Variants in ZNF618 observed in about 807,000 individuals in gnomAD.
ZNF618 encodes neural precursor cell expressed, developmentally down-regulated 10.
In ZNF618, 34 loss-of-function variants were observed where a neutral mutation model predicts 103.0. The ratio of observed to expected loss-of-function variants is 0.33; its 90% confidence interval spans 0.25 to 0.44. The LOEUF is 0.44. Among genes scored for constraint, ZNF618 ranks in the 20% least tolerant of loss-of-function variants. ZNF618 has a pLI of 1.00. For missense variants in ZNF618, 1,059 were observed against 1,295.4 expected (o/e 0.82, Z 2.80); for synonymous variants, 551 against 542.2 (o/e 1.02, Z -0.23).
At chr9:113,990,274 G>C (rs1442538320) in intron 3 of ZNF618, among the ~76,000 whole-genome samples, 3 of 152,158 alleles carry the variant, frequency 2.0e-5, no homozygotes, top group Non-Finnish European at 2.9e-5. Context: ...TTAGATTAGA[G>C]GGGCCCTGTC....
chr9:114,035,854 G>T (rs1223813513), intron 12 of ZNF618, among the ~76,000 whole-genome samples: 1 of 152,000 alleles, frequency 6.6e-6, no homozygotes, highest in African/African-American at 2.4e-5. Context: ...CTGTTACCTT[G>T]GTTTTTATTC....
At chr9:113,925,343 T>G (rs768082986) in intron 1 of ZNF618, among the ~76,000 whole-genome samples, 2 of 152,022 alleles carry the variant, frequency 1.3e-5, no homozygotes, top group Non-Finnish European at 2.9e-5. Context: ...TTAGTCTTAG[T>G]ATGGTATATC....
At chr9:114,003,370 G>A (rs1300863764) in intron 6 of ZNF618, among the ~76,000 whole-genome samples, 1 of 152,224 alleles carries the variant, frequency 6.6e-6, no homozygotes, top group African/African-American at 2.4e-5. Flanking sequence ...CCACGTGTAG[G>A]TATGTCGCCA....
chr9:113,999,104 C>T (rs1237726762), intron 4 of ZNF618, among the ~76,000 whole-genome samples: 4 of 152,208 alleles, frequency 2.6e-5, no homozygotes, highest in African/African-American at 9.6e-5. Context: ...TGAGGGCTGC[C>T]CCTCTAGTGA....
intron 1 of ZNF618, among the ~76,000 whole-genome samples, chr9:113,912,570 A>G (rs1381031644): frequency 6.6e-6 from 1 of 152,206 alleles, no homozygotes; most frequent in Non-Finnish European, 1.5e-5. Context: ...GGGACTGCCT[A>G]ATTAATTCAA....
intron 1 of ZNF618, among the ~76,000 whole-genome samples, chr9:113,881,304 G>C (rs1828492184): frequency 6.6e-6 from 1 of 152,082 alleles, no homozygotes; most frequent in Non-Finnish European, 1.5e-5. Flanking sequence ...TTCTGTCTTA[G>C]TCTCCTCATC....
intron 1 of ZNF618, among the ~76,000 whole-genome samples, chr9:113,936,528 C>G (rs1834041164): frequency 6.6e-6 from 1 of 152,210 alleles, no homozygotes; most frequent in Non-Finnish European, 1.5e-5. Flanking sequence ...CTGCCATGAG[C>G]AGCATAGGCT....
At chr9:114,012,338 T>C (rs956232139) in intron 9 of ZNF618, among the ~76,000 whole-genome samples, 1 of 149,040 alleles carries the variant, frequency 6.7e-6, no homozygotes, top group African/African-American at 2.4e-5. Flanking sequence ...GGTCACCATA[T>C]GTCTGGACAT....
At position 113,988,668 on chromosome 9, in the gene ZNF618, C is replaced by T. The variant is rs1416793986; in HGVS notation, c.337+88C>T. The T allele has an allele frequency of 9.5e-6, 14 of 1,469,220 alleles. No homozygotes were observed. In the East Asian group the frequency reaches 2.2e-4, roughly 23 times the overall value. The allele number at this position is 1,469,220 out of a possible 1,614,324, so 91.0% of individuals were successfully genotyped here. ...GGGGAAAAGCGGCCTGGCGCCTCTG[C>T]CCCCTTCCTGGCTGAGAGAACCTTT... On this transcript the variant is annotated intron_variant, in intron 3 of 14. Transcript: ENST00000374126.
chr9:113,937,516 G>A (rs946046741), intron 1 of ZNF618, among the ~76,000 whole-genome samples: 1 of 152,106 alleles, frequency 6.6e-6, no homozygotes, highest in Non-Finnish European at 1.5e-5. Context: ...GAGTGAAATT[G>A]TTTTCCTGTC....
At chr9:113,916,445 C>T (rs1832086883) in intron 1 of ZNF618, among the ~76,000 whole-genome samples, 1 of 152,166 alleles carries the variant, frequency 6.6e-6, no homozygotes, top group Admixed American at 6.5e-5. Context: ...AGTTTGACCC[C>T]TCATAAGCTT....
intron 12 of ZNF618, chr9:114,035,084 C>A: frequency 1.2e-6 from 1 of 803,240 alleles, no homozygotes; most frequent in Non-Finnish European, 1.5e-6. Context: ...GCTCCCCACT[C>A]CTCTGAAAGC....
chr9:113,915,542 G>A (rs1489286015), intron 1 of ZNF618, among the ~76,000 whole-genome samples: 16 of 152,168 alleles, frequency 1.1e-4, no homozygotes, highest in Non-Finnish European at 4.4e-5. Context: ...AAAGCCATCC[G>A]AGACTCTAAG....
At chr9:114,041,874 C>T (rs145217692) in intron 13 of ZNF618, among the ~76,000 whole-genome samples, 2,945 of 152,222 alleles carry the variant, frequency 0.019, 98 homozygotes, top group African/African-American at 0.066. Flanking sequence ...AGAAAGTCAT[C>T]GGTAGCTTGA....
chr9:113,971,576 C>T (rs1270519039), intron 2 of ZNF618, among the ~76,000 whole-genome samples: 2 of 152,204 alleles, frequency 1.3e-5, no homozygotes, highest in African/African-American at 2.4e-5. Context: ...AGACAAAGCA[C>T]CACCCACCCC....
intron 9 of ZNF618, among the ~76,000 whole-genome samples, chr9:114,014,852 G>A (rs1384452907): frequency 6.6e-6 from 1 of 152,082 alleles, no homozygotes; most frequent in African/African-American, 2.4e-5. Flanking sequence ...TGCTGGTCCA[G>A]GGACCGCACT....
At chr9:113,976,683 C>T (rs1838501070) in intron 2 of ZNF618, among the ~76,000 whole-genome samples, 1 of 152,126 alleles carries the variant, frequency 6.6e-6, no homozygotes, top group Non-Finnish European at 1.5e-5. Flanking sequence ...GTGACCTTGT[C>T]CCCCACTCCT....
chr9:113,877,950 G>A (rs562447800), intron 1 of ZNF618, among the ~76,000 whole-genome samples: 27 of 152,206 alleles, frequency 1.8e-4, no homozygotes, highest in African/African-American at 6.3e-4. Flanking sequence ...TGAATCAATT[G>A]ATGAAGACAA....
At chr9:113,924,923 G>A (rs894722600) in intron 1 of ZNF618, among the ~76,000 whole-genome samples, 2 of 151,594 alleles carry the variant, frequency 1.3e-5, no homozygotes, top group Admixed American at 1.3e-4. Flanking sequence ...ATCTCGTTAG[G>A]GTGCTCTTTT....
Sources: allele counts gnomAD v4.1 joint callset (sites outside exome capture counted in the v4.1 genomes callset), GRCh38; gene constraint gnomAD v4.1.1; transcripts MANE v1.5; gene names NCBI Gene and HGNC (gene_info 2026-07-23, HGNC 2026-07-21).